Variants in NRXN3 observed in about 807,000 individuals in gnomAD.
The protein encoded by NRXN3 is neurexin III.
A neutral mutation model predicts 137.6 loss-of-function variants in NRXN3; 32 were observed. That is an observed-to-expected ratio of 0.23 (90% confidence interval 0.18 to 0.31). NRXN3 has a LOEUF of 0.31. Ranked by LOEUF, NRXN3 falls within the 10% of genes least tolerant of loss-of-function variation. The probability of loss-of-function intolerance (pLI) is 1.00; values close to 1 mark genes in which losing one functional copy is unlikely to be tolerated. For missense variants in NRXN3, 1,574 were observed against 2,062.5 expected (o/e 0.76, Z 4.59); for synonymous variants, 798 against 784.5 (o/e 1.02, Z -0.29).
intron 4 of NRXN3, among the ~76,000 whole-genome samples, chr14:78,351,226 A>G (rs1399686300): frequency 6.6e-6 from 1 of 152,240 alleles, no homozygotes; most frequent in Non-Finnish European, 1.5e-5. Flanking sequence ...ATAGTGTTCT[A>G]TCAATAAATA....
At chr14:78,553,588 G>T (rs2096712640) in intron 4 of NRXN3, among the ~76,000 whole-genome samples, 1 of 152,192 alleles carries the variant, frequency 6.6e-6, no homozygotes, top group Non-Finnish European at 1.5e-5. Flanking sequence ...TCATACATGG[G>T]ACACTTGATA....
intron 15 of NRXN3, among the ~76,000 whole-genome samples, chr14:79,127,314 A>C (rs1232697008): frequency 6.6e-6 from 1 of 152,108 alleles, no homozygotes; most frequent in Non-Finnish European, 1.5e-5. Flanking sequence ...TTTAGTTCTA[A>C]CGTTTAAGTC....
chr14:79,384,211 C>T (rs2094542714), intron 15 of NRXN3, among the ~76,000 whole-genome samples: 1 of 151,820 alleles, frequency 6.6e-6, no homozygotes, highest in Admixed American at 6.6e-5. Context: ...AATCATCTGC[C>T]CTTTAAGAGG....
At chr14:79,080,744 C>T (rs2046826545) in intron 15 of NRXN3, among the ~76,000 whole-genome samples, 1 of 152,158 alleles carries the variant, frequency 6.6e-6, no homozygotes, top group African/African-American at 2.4e-5. Flanking sequence ...TTTATTCAAG[C>T]CTCCAAAACA....
intron 15 of NRXN3, among the ~76,000 whole-genome samples, chr14:79,102,602 A>G (rs892814296): frequency 4.6e-5 from 7 of 152,202 alleles, no homozygotes; most frequent in African/African-American, 1.7e-4. Flanking sequence ...CGACATATAG[A>G]GTTATGTAAA....
At chr14:79,176,381 G>A (rs73325816) in intron 15 of NRXN3, among the ~76,000 whole-genome samples, 1,919 of 152,240 alleles carry the variant, frequency 0.013, 39 homozygotes, top group African/African-American at 0.043. Flanking sequence ...GCCTTTTAAT[G>A]AGCGGCACAC....
chr14:78,604,307 T>G (rs2097228174), intron 4 of NRXN3, among the ~76,000 whole-genome samples: 1 of 152,076 alleles, frequency 6.6e-6, no homozygotes, highest in South Asian at 2.1e-4. Flanking sequence ...CATTTGTTTT[T>G]TTTTTTTTTG....
intron 15 of NRXN3, among the ~76,000 whole-genome samples, chr14:79,021,980 A>C (rs2099590482): frequency 6.6e-6 from 1 of 152,204 alleles, no homozygotes; most frequent in South Asian, 2.1e-4. Context: ...CATGACCTGC[A>C]GCTGTTCTTG....
chr14:79,227,240 A>G (rs1487376786), intron 15 of NRXN3, among the ~76,000 whole-genome samples: 1 of 152,156 alleles, frequency 6.6e-6, no homozygotes, highest in Non-Finnish European at 1.5e-5. Context: ...AGACACTGGA[A>G]ACAGACCACT....
intron 15 of NRXN3, among the ~76,000 whole-genome samples, chr14:79,436,282 A>T (rs1004455757): frequency 6.6e-6 from 1 of 152,192 alleles, no homozygotes; most frequent in African/African-American, 2.4e-5. Context: ...GAATAGTAGT[A>T]GTTATTCTTC....
At position 78,907,029 on chromosome 14, in the gene NRXN3, G is replaced by T. The variant is rs191757045; in HGVS notation, c.2276-50213G>T. On this transcript the variant is annotated intron_variant, in intron 10 of 20. Transcript: ENST00000335750. ...GACTCCTGTCTGTTACCGAAGTAGG[G>T]AAAACAGTGCTGGGCAGACAAAGAA... Among the ~76,000 whole-genome samples the T allele has an allele frequency of 1.0e-3, 157 of 152,094 alleles. 1 individual carries two copies. Among genetic ancestry groups the T allele is most frequent in the African/African-American group, 3.7e-3 (152 of 41,536 alleles).
chr14:79,698,745 A>G (rs1262863030), intron 19 of NRXN3, among the ~76,000 whole-genome samples: 1 of 151,994 alleles, frequency 6.6e-6, no homozygotes, highest in Non-Finnish European at 1.5e-5. Context: ...TGCTGCTGCG[A>G]CAACAATTAC....
At chr14:78,371,194 C>T (rs1463197243) in intron 4 of NRXN3, among the ~76,000 whole-genome samples, 1 of 152,130 alleles carries the variant, frequency 6.6e-6, no homozygotes, top group Admixed American at 6.5e-5. Flanking sequence ...ATCCTGTGCC[C>T]CTATAAACCC....
intron 15 of NRXN3, among the ~76,000 whole-genome samples, chr14:79,266,002 A>G (rs2153417116): frequency 6.6e-6 from 1 of 152,294 alleles, no homozygotes; most frequent in South Asian, 2.1e-4. Flanking sequence ...AATAGTAGGC[A>G]CAAGCATACC....
At chr14:79,095,882 C>T (rs2050219113) in intron 15 of NRXN3, among the ~76,000 whole-genome samples, 1 of 151,962 alleles carries the variant, frequency 6.6e-6, no homozygotes, top group Non-Finnish European at 1.5e-5. Context: ...TTACTGGAAA[C>T]CTATATATGA....
intron 20 of NRXN3, among the ~76,000 whole-genome samples, chr14:79,820,496 T>G (rs976968306): frequency 2.6e-5 from 4 of 152,188 alleles, no homozygotes; most frequent in Non-Finnish European, 5.9e-5. Flanking sequence ...AAATGGCTTT[T>G]CCTTAAGAAG....
intron 15 of NRXN3, among the ~76,000 whole-genome samples, chr14:79,204,047 G>T (rs941402025): frequency 6.6e-6 from 1 of 152,040 alleles, no homozygotes; most frequent in African/African-American, 2.4e-5. Flanking sequence ...TGGCTCTTGG[G>T]AGACAGTGCC....
chr14:78,722,317 C>T (rs999594456), intron 8 of NRXN3, among the ~76,000 whole-genome samples: 2 of 152,154 alleles, frequency 1.3e-5, no homozygotes, highest in African/African-American at 2.4e-5. Context: ...TGCAGGGACT[C>T]GGTGGCCATT....
chr14:79,024,469 C>A (rs1252882221), intron 15 of NRXN3, among the ~76,000 whole-genome samples: 2 of 152,140 alleles, frequency 1.3e-5, no homozygotes, highest in East Asian at 3.9e-4. Flanking sequence ...ATATTCCATA[C>A]CATGATCCTT....
Sources: allele counts gnomAD v4.1 joint callset (sites outside exome capture counted in the v4.1 genomes callset), GRCh38; gene constraint gnomAD v4.1.1; transcripts MANE v1.5; gene names NCBI Gene and HGNC (gene_info 2026-07-23, HGNC 2026-07-21).